PNPLA8: variants seen among roughly 807,000 people sequenced by gnomAD.
PNPLA8 encodes the protein calcium-independent phospholipase A2-gamma.
In PNPLA8, 39 loss-of-function variants were observed where a neutral mutation model predicts 76.9. The ratio of observed to expected loss-of-function variants is 0.51; its 90% CI spans 0.39 to 0.66. PNPLA8 has a LOEUF of 0.66. Among genes scored for constraint, PNPLA8 ranks in the 30% least tolerant of loss-of-function variants. The pLI, the probability that PNPLA8 is intolerant of heterozygous loss-of-function variation, is 0.00. For missense variants in PNPLA8, 887 were observed against 918.0 expected, an observed-to-expected ratio of 0.97 and a Z score of 0.44; for synonymous variants, 301 against 307.9, an observed-to-expected ratio of 0.98 and a Z score of 0.24.
At position 108,472,752 on chromosome 7, in the gene PNPLA8, T is replaced by C; in HGVS notation, c.2075-77A>G. Reference sequence around the variant, plus strand: ...GTGAGCAATGAACTGTTAATTTGTCTTTATTTAAAATTAACTTCTTTTTAG... The same window carrying C: ...GTGAGCAATGAACTGTTAATTTGTCCTTATTTAAAATTAACTTCTTTTTAG... On this transcript the variant is annotated intron_variant, in intron 10 of 10. Transcript: ENST00000257694. The C allele has an allele frequency of 3.8e-6, 4 of 1,039,850 alleles. No homozygotes were observed. The South Asian group carries it at 6.5e-5, about 17-fold the overall frequency. The allele number at this position is 1,039,850 out of a possible 1,614,324, so 64.4% of individuals were successfully genotyped here.
chr7:108,509,738 T>C (rs1220372774), intron 4 of PNPLA8, among the ~76,000 whole-genome samples: 3 of 150,580 alleles, frequency 2.0e-5, no homozygotes, highest in Non-Finnish European at 4.4e-5. Context: ...GTATGTTTAT[T>C]GCGGCATTAT....
chr7:108,502,687 A>G lies in PNPLA8; in HGVS notation c.1207-45T>C, dbSNP rs945396860. The stretch of plus-strand genomic sequence containing the variant: ...ACTTTGTTGCTTTTGTCAAATCAAG[A>G]CTGAAAATGTATGATTATTATTAAC... On this transcript the variant is annotated intron_variant, in intron 4 of 10. Coordinates refer to ENST00000257694, the MANE Select transcript of PNPLA8 (RefSeq NM_001256007.3). The G allele has an allele frequency of 2.8e-6, 4 of 1,433,918 alleles. No homozygotes were observed. In the African/African-American group the frequency reaches 5.6e-5, roughly 20 times the overall value. 88.8% of individuals were successfully genotyped at this position (1,433,918 alleles called of 1,614,324 possible).
chr7:108,493,869 T>G (rs775771574), intron 7 of PNPLA8, among the ~76,000 whole-genome samples: 4 of 152,060 alleles, frequency 2.6e-5, no homozygotes, highest in Non-Finnish European at 5.9e-5. Context: ...GAGAAAAGAT[T>G]TGCTATGCTG....
At chr7:108,479,806 A>T (rs184333429) in intron 9 of PNPLA8, among the ~76,000 whole-genome samples, 1 of 152,364 alleles carries the variant, frequency 6.6e-6, no homozygotes, top group East Asian at 1.9e-4. Flanking sequence ...AATTCTATCA[A>T]CAATACAATT....
chr7:108,493,687 C>T (rs1391710679), intron 7 of PNPLA8, among the ~76,000 whole-genome samples: 1 of 144,200 alleles, frequency 6.9e-6, no homozygotes, highest in Non-Finnish European at 1.5e-5. Context: ...AAGTAACATA[C>T]AATGATAATG....
intron 9 of PNPLA8, 66 bp downstream of exon 9, chr7:108,487,693 T>A: frequency 1.0e-6 from 1 of 954,738 alleles, no homozygotes; most frequent in South Asian, 2.0e-5. Flanking sequence ...ATCAATGACA[T>A]TTAATAAGTG....
At chr7:108,510,338 T>G in intron 4 of PNPLA8, 14 of 1,585,906 alleles carry the variant, frequency 8.8e-6, no homozygotes, top group Non-Finnish European at 1.2e-5. Context: ...GAGAAAGAAG[T>G]TTGCCCAAAA....
Position 108,514,959 on chromosome 7 carries a change from A to G in PNPLA8, c.533T>C (p.Ile178Thr). Reference protein sequence around the residue: ...SPFPEEKSHIIDKEEDIGKRS... With the variant: ...SPFPEEKSHITDKEEDIGKRS... ...TTTACCTATATCTTCTTCTTTGTCTATAATGTGACTTTTCTCTTCTGGAAA... is the reference window on the plus strand; with the variant it reads ...TTTACCTATATCTTCTTCTTTGTCTGTAATGTGACTTTTCTCTTCTGGAAA... The change falls in exon 3 of 11, where the codon ATA becomes ACA. Residue 178 changes from isoleucine (I) to threonine (T), a missense_variant. Coordinates refer to ENST00000257694, the MANE Select transcript of PNPLA8 (RefSeq NM_001256007.3). 1 of 1,610,246 alleles carries G rather than the reference A, an allele frequency of 6.2e-7. No homozygotes were observed. The highest frequency in any genetic ancestry group is 1.3e-5 in the African/African-American group (1 of 74,918).
At chr7:108,524,756 G>A (rs545951538) in intron 1 of PNPLA8, among the ~76,000 whole-genome samples, 10 of 152,214 alleles carry the variant, frequency 6.6e-5, no homozygotes, top group Non-Finnish European at 8.8e-5. Flanking sequence ...GCAGTGAGTC[G>A]AGATCGCACC....
intron 5 of PNPLA8, among the ~76,000 whole-genome samples, chr7:108,498,126 CAAAAAACAAAAA>C (rs753274367): frequency 5.5e-4 from 67 of 121,384 alleles, no homozygotes; most frequent in African/African-American, 1.3e-3. Context: ...AAAAAAAAAA[CAAAAAACAAAAA>C]AAAAAACAAA....
chr7:108,496,512 C>T (rs1861558588), intron 7 of PNPLA8, 72 bp downstream of exon 7: 1 of 869,254 alleles, frequency 1.2e-6, no homozygotes, highest in Non-Finnish European at 1.7e-6. Flanking sequence ...TTAATATTGA[C>T]ATTTTTCAAA....
At chr7:108,489,179 A>T (rs1158682233) in intron 8 of PNPLA8, among the ~76,000 whole-genome samples, 1 of 152,214 alleles carries the variant, frequency 6.6e-6, no homozygotes, top group East Asian at 1.9e-4. Context: ...CAAACAAACA[A>T]GGAGCCTTGG....
At chr7:108,518,720 A>AATATATATATATAT (rs148834592) in intron 2 of PNPLA8, among the ~76,000 whole-genome samples, 1 of 123,952 alleles carries the variant, frequency 8.1e-6, no homozygotes, top group Non-Finnish European at 1.6e-5. Context: ...TATGCACATG[A>AATATATATATATAT]ATATATATAT....
Position 108,493,752 on chromosome 7 carries a change from C to T in PNPLA8, c.1626-2285G>A, listed in dbSNP as rs182109418. ...TCAATGTTCCACAAAATAAGTGATA[C>T]ATTTCATGTAATTTCCATCCAAATA... is the stretch of plus-strand genomic sequence containing the variant. On this transcript the variant is annotated intron_variant, in intron 7 of 10. Coordinates refer to ENST00000257694, the MANE Select transcript of PNPLA8 (RefSeq NM_001256007.3). 3.6e-4 allele frequency among the ~76,000 whole-genome samples: 55 copies of T among 151,864 alleles called. 1 individual carries two copies. The highest frequency in any genetic ancestry group is 3.4e-3 in the Admixed American group (52 of 15,238).
rs966882997 is a variant in PNPLA8 at position 108,495,185 on chromosome 7, C to T, written c.1625+1399G>A. On this transcript the variant is annotated intron_variant, in intron 7 of 10. Coordinates refer to ENST00000257694, the MANE Select transcript of PNPLA8 (RefSeq NM_001256007.3). ...TCAAGATTCTTAAAACATGCATATC[C>T]TCTGGCCCACAATTTTACTTCTAGA... Among the ~76,000 whole-genome samples, 4 of 152,270 alleles carry T rather than the reference C, an allele frequency of 2.6e-5. 1 individual carries two copies. Among genetic ancestry groups the T allele is most frequent in the Admixed American group, 2.6e-4 (4 of 15,292 alleles).
At chr7:108,513,727 G>T (rs1194121568) in intron 4 of PNPLA8, among the ~76,000 whole-genome samples, 3 of 152,006 alleles carry the variant, frequency 2.0e-5, no homozygotes, top group African/African-American at 7.2e-5. Flanking sequence ...TCAATTATGA[G>T]TAAGGTCATT....
chr7:108,522,384 AC>A (rs1863808043), intron 1 of PNPLA8, among the ~76,000 whole-genome samples: 1 of 152,018 alleles, frequency 6.6e-6, no homozygotes. Flanking sequence ...GCATCATAAA[AC>A]CTTGGTTTCC....
chr7:108,524,552 C>T (rs371440951), intron 1 of PNPLA8, among the ~76,000 whole-genome samples: 89 of 152,254 alleles, frequency 5.8e-4, no homozygotes, highest in African/African-American at 2.1e-3. Context: ...TGGCCAGGTG[C>T]GGTGGCTCAG....
intron 2 of PNPLA8, among the ~76,000 whole-genome samples, chr7:108,518,774 C>T (rs1177147080): frequency 1.1e-4 from 12 of 111,998 alleles, no homozygotes; most frequent in Non-Finnish European, 9.5e-5. Flanking sequence ...CACACACACA[C>T]ATATATTAAG....
Sources: allele counts gnomAD v4.1 joint callset (sites outside exome capture counted in the v4.1 genomes callset), GRCh38; gene constraint gnomAD v4.1.1; transcripts MANE v1.5; gene names NCBI Gene and HGNC (gene_info 2026-07-23, HGNC 2026-07-21).